Variants in CPEB1 observed in about 807,000 individuals in gnomAD.
The protein encoded by CPEB1 is cytoplasmic polyadenylation element-binding protein 1.
A neutral mutation model predicts 65.8 loss-of-function variants in CPEB1; 7 were observed. That is an observed-to-expected ratio of 0.11 (90% CI 0.06 to 0.20). The LOEUF is 0.20. CPEB1 is among the 10% of genes least tolerant of loss of function. CPEB1 has a pLI of 1.00. For missense variants in CPEB1, 551 were observed against 712.2 expected, an observed-to-expected ratio of 0.77 and a Z score of 2.58; for synonymous variants, 262 against 260.0, an observed-to-expected ratio of 1.01 and a Z score of -0.08.
chr15:82,578,989 A>C (rs1031570187), intron 3 of CPEB1, among the ~76,000 whole-genome samples: 11 of 151,978 alleles, frequency 7.2e-5, no homozygotes, highest in African/African-American at 9.7e-5. Context: ...ACGCCCAGCT[A>C]ATTTTTGAAC....
rs546186702 is a variant in CPEB1, at chr15:82,552,470, G to A, written c.1281+10C>T. ...ACCCTCGATCCAGAAAGGACATCAC[G>A]CTAACTCACCTCCTTGCAGCGCATC... On this transcript the variant is annotated intron_variant, in intron 9 of 12. Coordinates refer to ENST00000684509, the MANE Select transcript of CPEB1 (RefSeq NM_001365242.1). The A allele has an allele frequency of 1.5e-5, 23 of 1,553,840 alleles. No individual in the cohort carries two copies. In the African/African-American group the frequency reaches 1.7e-4, roughly 11 times the overall value.
At chr15:82,589,258 A>ACTC (rs2042032944) in intron 3 of CPEB1, among the ~76,000 whole-genome samples, 1 of 151,958 alleles carries the variant, frequency 6.6e-6, no homozygotes, top group South Asian at 2.1e-4. Flanking sequence ...TCTGCTTAAT[A>ACTC]CTCCTGCTCT....
intron 1 of CPEB1, among the ~76,000 whole-genome samples, chr15:82,633,790 G>A (rs1374410660): frequency 6.6e-6 from 1 of 152,124 alleles, no homozygotes; most frequent in Admixed American, 6.6e-5. Context: ...GACAACAAAG[G>A]TGAGGGAAAT....
intron 2 of CPEB1, 58 bp downstream of exon 2, chr15:82,628,306 G>T (rs911524354): frequency 1.4e-6 from 1 of 702,276 alleles, no homozygotes; most frequent in Admixed American, 2.0e-5. Flanking sequence ...GACAAAAAAA[G>T]GTTGGGAGTG....
At chr15:82,591,842 CTTTTTT>C (rs771971142) in intron 3 of CPEB1, among the ~76,000 whole-genome samples, 1 of 134,132 alleles carries the variant, frequency 7.5e-6, no homozygotes, top group Non-Finnish European at 1.6e-5. Flanking sequence ...TGTATCAGAA[CTTTTTT>C]TTTTTTTTTT....
At chr15:82,629,861 G>A (rs185148783) in intron 1 of CPEB1, 1 of 985,378 alleles carries the variant, frequency 1.0e-6, no homozygotes, top group Admixed American at 6.1e-5. Context: ...AACTCTGCAG[G>A]ATGACCTTAA....
chr15:82,589,444 A>G (rs1275778172), intron 3 of CPEB1, among the ~76,000 whole-genome samples: 1 of 152,210 alleles, frequency 6.6e-6, no homozygotes, highest in Admixed American at 6.5e-5. Flanking sequence ...CATATTGCTG[A>G]GTATAATTTG....
chr15:82,577,562 C>T (rs570683244), intron 3 of CPEB1, among the ~76,000 whole-genome samples: 97 of 152,158 alleles, frequency 6.4e-4, no homozygotes, highest in African/African-American at 2.2e-3. Context: ...CTCTGTCAGG[C>T]GGGAATGCAG....
chr15:82,547,871 C>T (rs1306115930), intron 10 of CPEB1, among the ~76,000 whole-genome samples: 1 of 151,840 alleles, frequency 6.6e-6, no homozygotes, highest in African/African-American at 2.4e-5. Flanking sequence ...CAGGGTTTCA[C>T]CATATTGTCC....
At chr15:82,567,623 G>T (rs2039361383) in intron 4 of CPEB1, among the ~76,000 whole-genome samples, 1 of 151,460 alleles carries the variant, frequency 6.6e-6, no homozygotes. Context: ...TCGACAGAGT[G>T]AGACTCCATC....
At chr15:82,553,004 T>C (rs1222519053) in intron 8 of CPEB1, among the ~76,000 whole-genome samples, 1 of 152,088 alleles carries the variant, frequency 6.6e-6, no homozygotes, top group Non-Finnish European at 1.5e-5. Context: ...AGGGTGAAAA[T>C]AGCACCTGCT....
At chr15:82,593,541 G>C (rs1596077164) in intron 3 of CPEB1, among the ~76,000 whole-genome samples, 2 of 152,232 alleles carry the variant, frequency 1.3e-5, no homozygotes, top group Middle Eastern at 6.8e-3. Context: ...ACCCCTCAAA[G>C]TCATCTATGA....
At chr15:82,610,984 A>G (rs972693606) in intron 3 of CPEB1, among the ~76,000 whole-genome samples, 2 of 147,568 alleles carry the variant, frequency 1.4e-5, no homozygotes, top group East Asian at 1.9e-4. Context: ...AAAAAAAAAA[A>G]AAAAGAAAAA....
chr15:82,616,311 G>A (rs974468935), intron 3 of CPEB1, among the ~76,000 whole-genome samples: 2 of 152,012 alleles, frequency 1.3e-5, no homozygotes, highest in African/African-American at 4.8e-5. Context: ...AATGTAAAAC[G>A]ATGTTTATGG....
At chr15:82,548,829 T>C (rs895220519) in intron 10 of CPEB1, 11 of 371,306 alleles carry the variant, frequency 3.0e-5, no homozygotes, top group African/African-American at 1.5e-4. Context: ...GACTAAGCAT[T>C]TGGGGAGGTG....
At chr15:82,555,680 G>A (rs868015977) in intron 6 of CPEB1, among the ~76,000 whole-genome samples, 190 bp downstream of exon 6, 2 of 152,204 alleles carry the variant, frequency 1.3e-5, no homozygotes, top group Admixed American at 6.5e-5. Context: ...TCTCCACTCA[G>A]CCTCAAGAAG....
At chr15:82,544,835 G>C (rs2034873830) in intron 12 of CPEB1, 133 bp from the exon 13 acceptor site, 1 of 685,308 alleles carries the variant, frequency 1.5e-6, no homozygotes, top group Non-Finnish European at 2.6e-6. Context: ...TAGAAGAAAT[G>C]GTCCCTAGGA....
chr15:82,594,588 TATC>T (rs2042533299), intron 3 of CPEB1, among the ~76,000 whole-genome samples: 1 of 152,222 alleles, frequency 6.6e-6, no homozygotes, highest in African/African-American at 2.4e-5. Flanking sequence ...CTTGCTTTCT[TATC>T]ATTCATGTGC....
In CPEB1 at chr15:82,607,635, G is replaced by GA. The variant is rs896369000; in HGVS notation, c.271+19557dup. ...AAGACACAAATAGGTTGAAAGGATG[G>GA]AAAAAAGTATACCCTGCAAATAATA... is the stretch of plus-strand genomic sequence containing the variant. On this transcript the variant is annotated intron_variant, in intron 3 of 12. Coordinates refer to ENST00000684509, the MANE Select transcript of CPEB1 (RefSeq NM_001365242.1). Among the ~76,000 whole-genome samples, 7 of 151,946 alleles carry GA rather than the reference G, an allele frequency of 4.6e-5. No individual in the cohort carries two copies. In the East Asian group the frequency reaches 9.6e-4, roughly 21 times the overall value.
Sources: gnomAD v4.1 joint callset for allele counts (sites outside exome capture counted in the v4.1 genomes callset) on GRCh38, gnomAD v4.1.1 for gene constraint, MANE v1.5 for transcripts, NCBI Gene and HGNC (gene_info 2026-07-23, HGNC 2026-07-21) for gene names.